MPHOSPH9: variants seen among roughly 807,000 people sequenced by gnomAD.
MPHOSPH9 encodes M-phase phosphoprotein 9.
A neutral mutation model predicts 145.5 loss-of-function variants in MPHOSPH9; 88 were observed. That is an observed-to-expected ratio of 0.60 (90% CI 0.51 to 0.72). The LOEUF (loss-of-function observed/expected upper bound fraction) is 0.72. MPHOSPH9 is among the 30% of genes least tolerant of loss of function. The pLI, the probability that MPHOSPH9 is intolerant of heterozygous loss-of-function variation, is 0.00. For synonymous variants in MPHOSPH9, 435 were observed against 486.2 expected, an observed-to-expected ratio of 0.89 and a Z score of 1.39; for missense variants, 1,238 against 1,386.6, an observed-to-expected ratio of 0.89 and a Z score of 1.70.
chr12:123,234,919 CAT>C (rs1252106020), upstream of MPHOSPH9, among the ~76,000 whole-genome samples: 2 of 152,148 alleles, frequency 1.3e-5, no homozygotes, highest in East Asian at 3.9e-4. Context: ...CACCAAATAA[CAT>C]GTTTTCAGTA....
At chr12:123,240,209 CAAAAAA>C (rs55859746) in intron 1 of MPHOSPH9, among the ~76,000 whole-genome samples, 1 of 135,056 alleles carries the variant, frequency 7.4e-6, no homozygotes. Context: ...ATTAAAAATA[CAAAAAA>C]AAAAAAAAAA....
chr12:123,212,998 T>C (rs1043504048), intron 7 of MPHOSPH9, among the ~76,000 whole-genome samples: 3 of 151,262 alleles, frequency 2.0e-5, no homozygotes, highest in Non-Finnish European at 4.4e-5. Context: ...CAGCTGGGAT[T>C]ACAGGCGGCC....
chr12:123,158,144 C>T (rs1005082697), intron 23 of MPHOSPH9, among the ~76,000 whole-genome samples: 1 of 152,108 alleles, frequency 6.6e-6, no homozygotes, highest in African/African-American at 2.4e-5. Flanking sequence ...TGCCCACCAC[C>T]ATGCCCGGCT....
chr12:123,206,262 G>A (rs2046425529), intron 8 of MPHOSPH9, among the ~76,000 whole-genome samples: 1 of 149,664 alleles, frequency 6.7e-6, no homozygotes, highest in African/African-American at 2.5e-5. Context: ...ACCAGCTTGG[G>A]CAACATAGAG....
In MPHOSPH9 at chr12:123,202,991, T is replaced by C. The variant is rs370237080; in HGVS notation, c.1414A>G (p.Ile472Val). The C allele has an allele frequency of 6.2e-7, 1 of 1,614,132 alleles. No individual in the cohort carries two copies. The highest frequency in any genetic ancestry group is 2.2e-5 in the East Asian group (1 of 44,882). Residue 472 changes from isoleucine (I) to valine (V), a missense_variant, in exon 10 of 24, where the codon ATA (isoleucine) becomes GTA (valine). By Grantham distance (29) the Ile-to-Val change is conservative (BLOSUM62 3). Transcript: ENST00000606320. The stretch of plus-strand genomic sequence containing the variant: ...AGAACAGAGTCCGGGGAAAAGGATA[T>C]TCTGTCATCAAGGGCATTCGGAAGG... ...HGLPNALDDR[I>V]SFSPDSVLEP...
upstream of MPHOSPH9, chr12:123,233,721 G>C (rs986888901): frequency 4.6e-5 from 7 of 152,308 alleles, no homozygotes; most frequent in Admixed American, 1.3e-4. Flanking sequence ...CAGTTTTCTC[G>C]GGACCTGGTT....
chr12:123,200,659 T>C (rs1326799589), intron 11 of MPHOSPH9, among the ~76,000 whole-genome samples: 3 of 151,942 alleles, frequency 2.0e-5, no homozygotes. Context: ...GCATTTTTTT[T>C]TTTTTTTTTG....
rs973174915 is a variant in MPHOSPH9, at chr12:123,185,057, G to A, written c.2242-3847C>T. On this transcript the variant is annotated intron_variant, in intron 13 of 23. Coordinates refer to ENST00000606320, the MANE Select transcript of MPHOSPH9 (RefSeq NM_022782.4). ...GGCCTCAAGTGATCCACCCGTCTCA[G>A]CCTCCCAAAGCACTGAGATTATAGG... Among the ~76,000 whole-genome samples the A allele has an allele frequency of 1.4e-4, 22 of 152,268 alleles. 1 individual carries two copies. The highest frequency in any genetic ancestry group is 9.2e-4 in the Admixed American group (14 of 15,276).
chr12:123,187,938 C>A (rs2045520022), intron 13 of MPHOSPH9, among the ~76,000 whole-genome samples: 1 of 152,016 alleles, frequency 6.6e-6, no homozygotes, highest in Non-Finnish European at 1.5e-5. Context: ...CCAGCCTGGC[C>A]AACATGGTGA....
rs755073748 is a variant in MPHOSPH9, at chr12:123,224,129, C to G, written c.259-1002G>C. Among the ~76,000 whole-genome samples the G allele has an allele frequency of 1.6e-3, 193 of 122,600 alleles. 2 individuals carry two copies. Among genetic ancestry groups the G allele is most frequent in the African/African-American group, 5.6e-3 (178 of 31,596 alleles). The allele number at this position is 122,600 out of a possible 152,430, so 80.4% of individuals were successfully genotyped here. On this transcript the variant is annotated intron_variant, in intron 3 of 23. Coordinates refer to ENST00000606320, the MANE Select transcript of MPHOSPH9 (RefSeq NM_022782.4). Reference sequence around the variant, plus strand: ...GCTAATTTATATATATATATATACACATTTTTTTTTTTTTTTTTTTTTGGA... The same window carrying G: ...GCTAATTTATATATATATATATACAGATTTTTTTTTTTTTTTTTTTTTGGA...
intron 5 of MPHOSPH9, 28 bp from the exon 6 acceptor site, chr12:123,218,527 CTTT>C (rs751271366): frequency 4.5e-6 from 5 of 1,117,478 alleles, no homozygotes; most frequent in African/African-American, 1.6e-5. Flanking sequence ...ACCAAAATTA[CTTT>C]TTTTTTTTGT....
chr12:123,193,591 G>A (rs896999416), intron 13 of MPHOSPH9, among the ~76,000 whole-genome samples: 6 of 152,044 alleles, frequency 3.9e-5, no homozygotes, highest in Non-Finnish European at 7.4e-5. Flanking sequence ...AGGCCAGCCT[G>A]GGCAACATGG....
intron 6 of MPHOSPH9, among the ~76,000 whole-genome samples, chr12:123,215,466 T>C (rs1252565899): frequency 1.3e-5 from 2 of 152,334 alleles, no homozygotes; most frequent in African/African-American, 4.8e-5. Flanking sequence ...TTGAAGTGCC[T>C]AGAATTAAAG....
Position 123,176,698 on chromosome 12 carries a change from A to G in MPHOSPH9, c.2446T>C (p.Ser816Pro). The change falls in exon 16 of 24, where the codon TCG becomes CCG. Residue 816 changes from serine to proline, a missense_variant. Physicochemically the swap from Ser to Pro is moderately conservative, Grantham distance 74 (BLOSUM62 -1). Around this residue, in one of 3 missense-constraint regions of MPHOSPH9, gnomAD observed 393 missense variants for 462.5 expected, o/e 0.85. Coordinates refer to ENST00000606320, the MANE Select transcript of MPHOSPH9 (RefSeq NM_022782.4). ...AATGAAATAACTTACTTGGCACGCG[A>G]GGGTCTCACGTGAATTCTAGAATTA... ...RHNSRIHVRP[S>P]RANTLATSDV... 6.2e-7 allele frequency: 1 copy of G among 1,612,840 alleles called. No homozygotes were observed.
At chr12:123,166,900 T>C in intron 16 of MPHOSPH9, 111 bp from the exon 17 acceptor site, 1 of 1,103,414 alleles carries the variant, frequency 9.1e-7, no homozygotes, top group Non-Finnish European at 1.3e-6. Flanking sequence ...TGTACACTAA[T>C]TTAAAAATCA....
At chr12:123,239,869 A>G (rs1188763529) in intron 1 of MPHOSPH9, among the ~76,000 whole-genome samples, 2 of 151,838 alleles carry the variant, frequency 1.3e-5, no homozygotes, top group Admixed American at 6.6e-5. Flanking sequence ...TTTTCTTGGG[A>G]CGATTTCCTT....
rs2137824770 is a variant in MPHOSPH9, at chr12:123,156,846, T to C, written c.3513A>G (p.Leu1171=). ...NRELGSVRMT[L]KKFHVLRTSA... Reference sequence around the variant, plus strand: ...AGGTGCGCAAAACATGGAATTTCTTTAGCGTCATGCGAACTGAACCCAGTT... The same window carrying C: ...AGGTGCGCAAAACATGGAATTTCTTCAGCGTCATGCGAACTGAACCCAGTT... The change falls in exon 24 of 24, where the codon CTA becomes CTG. Residue 1171 remains leucine, a synonymous_variant. Transcript: ENST00000606320. 1 of 1,612,688 alleles carries C rather than the reference T, an allele frequency of 6.2e-7. No homozygotes were observed. Among genetic ancestry groups the C allele is most frequent in the Non-Finnish European group, 8.5e-7 (1 of 1,178,856 alleles).
intron 13 of MPHOSPH9, among the ~76,000 whole-genome samples, chr12:123,185,756 TAAC>T (rs2045414331): frequency 6.6e-6 from 1 of 151,832 alleles, no homozygotes; most frequent in Non-Finnish European, 1.5e-5. Flanking sequence ...AAAGAAATGA[TAAC>T]AATAAATGCA....
At chr12:123,163,585 T>A (rs2044194550) in intron 19 of MPHOSPH9, among the ~76,000 whole-genome samples, 1 of 42,464 alleles carries the variant, frequency 2.4e-5, no homozygotes, top group African/African-American at 1.9e-4. Flanking sequence ...ACATAAGAAG[T>A]ATATTTGAGA....
Sources: allele counts gnomAD v4.1 joint callset (sites outside exome capture counted in the v4.1 genomes callset), GRCh38; gene constraint gnomAD v4.1.1; regional missense constraint gnomAD v4.1.1; transcripts MANE v1.5; gene names NCBI Gene and HGNC (gene_info 2026-07-23, HGNC 2026-07-21).